DPYD: variants seen among roughly 807,000 people sequenced by gnomAD.
DPYD encodes dihydropyrimidine dehydrogenase, also known as dihydropyrimidine dehydrogenase [NADP(+)].
Under a neutral mutation model 116.2 loss-of-function variants are expected in DPYD, and 109 were observed. The observed-to-expected ratio is 0.94, with a 90% CI of 0.80 to 1.10. The LOEUF (loss-of-function observed/expected upper bound fraction) is 1.10. Ranked by LOEUF, DPYD falls within the 50% of genes least tolerant of loss-of-function variation. DPYD has a pLI of 0.00. For synonymous variants in DPYD, 440 were observed against 432.0 expected (o/e 1.02, Z -0.23); for missense variants, 1,302 against 1,254.5 (o/e 1.04, Z -0.57).
At chr1:97,795,609 CT>C (rs2101297057) in intron 3 of DPYD, among the ~76,000 whole-genome samples, 1 of 152,082 alleles carries the variant, frequency 6.6e-6, no homozygotes, top group Non-Finnish European at 1.5e-5. Flanking sequence ...AGCAACTTCA[CT>C]TTTTGACATA....
At chr1:97,173,624 C>A (rs924070862) in intron 20 of DPYD, among the ~76,000 whole-genome samples, 5 of 150,482 alleles carry the variant, frequency 3.3e-5, no homozygotes, top group East Asian at 2.0e-4. Context: ...TCTCAATTAA[C>A]TACTGCAGTG....
intron 12 of DPYD, among the ~76,000 whole-genome samples, chr1:97,535,606 T>G (rs1649936387): frequency 6.6e-6 from 1 of 152,202 alleles, no homozygotes; most frequent in African/African-American, 2.4e-5. Context: ...ATGGAGACAA[T>G]TTCATTTTAA....
chr1:97,840,394 C>A (rs2101531734), intron 2 of DPYD, among the ~76,000 whole-genome samples: 1 of 151,998 alleles, frequency 6.6e-6, no homozygotes, highest in East Asian at 1.9e-4. Flanking sequence ...TAAGTCTAAA[C>A]CATAAAATGT....
chr1:97,081,937 T>C (rs1210700854), intron 22 of DPYD, among the ~76,000 whole-genome samples: 2 of 152,114 alleles, frequency 1.3e-5, no homozygotes, highest in East Asian at 1.9e-4. Flanking sequence ...AACTCTCTTT[T>C]GGCAGAAGGA....
chr1:97,917,116 T>G (rs1325960622), intron 1 of DPYD, among the ~76,000 whole-genome samples: 3 of 152,342 alleles, frequency 2.0e-5, no homozygotes, highest in East Asian at 3.9e-4. Context: ...TTAAAAGTCT[T>G]AATTTATTTA....
intron 18 of DPYD, among the ~76,000 whole-genome samples, chr1:97,239,800 C>T (rs1351318989): frequency 6.6e-6 from 1 of 151,938 alleles, no homozygotes; most frequent in Non-Finnish European, 1.5e-5. Context: ...TTAAATCCCA[C>T]CGAATCTCAA....
chr1:97,392,783 C>A (rs1672783408), intron 14 of DPYD, among the ~76,000 whole-genome samples: 2 of 152,042 alleles, frequency 1.3e-5, no homozygotes. Flanking sequence ...GGAATTCAGT[C>A]ACATCCTTAG....
At chr1:97,439,325 T>G (rs566233908) in intron 14 of DPYD, among the ~76,000 whole-genome samples, 19 of 152,292 alleles carry the variant, frequency 1.2e-4, no homozygotes, top group Middle Eastern at 3.4e-3. Context: ...CTGAAAGGTA[T>G]GTATAGAACT....
chr1:97,800,747 C>A (rs927357770), intron 3 of DPYD, among the ~76,000 whole-genome samples: 2 of 151,810 alleles, frequency 1.3e-5, no homozygotes, highest in African/African-American at 4.8e-5. Flanking sequence ...CTGTTTCTGA[C>A]CCTCCTCCCA....
chr1:97,410,951 G>C (rs1012562280), intron 14 of DPYD, among the ~76,000 whole-genome samples: 1 of 152,030 alleles, frequency 6.6e-6, no homozygotes, highest in Non-Finnish European at 1.5e-5. Context: ...CCCATAGAGG[G>C]CCACTATTGC....
chr1:97,346,299 GT>G (rs1181420603), intron 16 of DPYD, among the ~76,000 whole-genome samples: 1 of 151,596 alleles, frequency 6.6e-6, no homozygotes, highest in Non-Finnish European at 1.5e-5. Context: ...GTTGTTTCTA[GT>G]TTTTAAATTA....
Position 97,573,981 on chromosome 1 carries a change from A to T in DPYD, c.1129-11T>A, listed in dbSNP as rs672601283. ...CTTAGCAAGTTCCATCTAAAACAAA[A>T]CAGAACAGAGAAGAAACTTGAAAAT... On this transcript the variant is annotated splice_polypyrimidine_tract_variant and intron_variant, in intron 10 of 22. Transcript: ENST00000370192. 2 of 1,613,056 alleles carry T rather than the reference A, an allele frequency of 1.2e-6. No individual in the cohort carries two copies. The highest frequency in any genetic ancestry group is 2.7e-5 in the African/African-American group (2 of 74,892).
intron 2 of DPYD, among the ~76,000 whole-genome samples, chr1:97,829,564 T>C (rs867025838): frequency 1.4e-4 from 21 of 152,118 alleles, no homozygotes; most frequent in Admixed American, 5.2e-4. Context: ...AATTTGTTAG[T>C]TTTCTAATTT....
intron 12 of DPYD, among the ~76,000 whole-genome samples, chr1:97,532,295 G>C (rs1294867953): frequency 6.6e-6 from 1 of 152,002 alleles, no homozygotes; most frequent in Non-Finnish European, 1.5e-5. Context: ...ATATTTCATT[G>C]AAAGTTTTTG....
intron 7 of DPYD, among the ~76,000 whole-genome samples, chr1:97,684,162 G>C (rs1032300438): frequency 2.6e-5 from 4 of 152,122 alleles, no homozygotes; most frequent in Non-Finnish European, 5.9e-5. Flanking sequence ...GCTTTCTGAA[G>C]TGGCATTTAG....
At chr1:97,376,774 C>T (rs1421562722) in intron 15 of DPYD, among the ~76,000 whole-genome samples, 1 of 151,808 alleles carries the variant, frequency 6.6e-6, no homozygotes, top group Non-Finnish European at 1.5e-5. Flanking sequence ...ATGAAATATC[C>T]TAGTGATGGC....
chr1:97,651,140 A>G (rs1571130028), intron 8 of DPYD, among the ~76,000 whole-genome samples: 1 of 152,178 alleles, frequency 6.6e-6, no homozygotes, highest in Non-Finnish European at 1.5e-5. Flanking sequence ...TACAATTTTA[A>G]TAGTTGTATA....
At chr1:97,866,022 T>C (rs1382715213) in intron 2 of DPYD, among the ~76,000 whole-genome samples, 1 of 151,974 alleles carries the variant, frequency 6.6e-6, no homozygotes, top group Non-Finnish European at 1.5e-5. Context: ...AAGAGTTTAC[T>C]ATATTGTGAG....
At chr1:97,180,113 T>C (rs575284261) in intron 20 of DPYD, among the ~76,000 whole-genome samples, 1 of 152,160 alleles carries the variant, frequency 6.6e-6, no homozygotes, top group African/African-American at 2.4e-5. Context: ...TTGTTTTGTT[T>C]GACTTTTTTT....
Sources: allele counts gnomAD v4.1 joint callset (sites outside exome capture counted in the v4.1 genomes callset), GRCh38; gene constraint gnomAD v4.1.1; transcripts MANE v1.5; gene names NCBI Gene and HGNC (gene_info 2026-07-23, HGNC 2026-07-21).